DMXL2: variants seen among roughly 807,000 people sequenced by gnomAD.
The protein encoded by DMXL2 is Dmx like 2, also known as dmX-like protein 2.
In DMXL2, 103 loss-of-function variants were observed where a neutral mutation model predicts 331.1. The ratio of observed to expected loss-of-function variants is 0.31; its 90% CI spans 0.27 to 0.37. DMXL2 has a LOEUF of 0.37. Ranked by LOEUF, DMXL2 falls within the 10% of genes least tolerant of loss-of-function variation. The probability of loss-of-function intolerance (pLI) is 1.00; values close to 1 mark genes in which losing one functional copy is unlikely to be tolerated. For missense variants in DMXL2, 3,171 were observed against 3,642.9 expected (o/e 0.87, Z 3.33); for synonymous variants, 1,281 against 1,252.1 (o/e 1.02, Z -0.49).
At position 51,536,378 on chromosome 15, in the gene DMXL2, C is replaced by G. The variant is rs373506145; in HGVS notation, c.2102G>C (p.Gly701Ala). 120 of 1,613,438 alleles carry G rather than the reference C, an allele frequency of 7.4e-5. No individual in the cohort carries two copies. In the South Asian group the frequency reaches 1.2e-3, roughly 17 times the overall value. Reference sequence around the variant, plus strand: ...ATTTCTAAGAGGTTGTTTCGAGGAACCTTTTATATGTTTTACAGGGTCCAT... The same window carrying G: ...ATTTCTAAGAGGTTGTTTCGAGGAAGCTTTTATATGTTTTACAGGGTCCAT... ...RLMDPVKHIK[G>A]SSKQPLRNAA... The change falls in exon 12 of 44, where the codon GGT (glycine) becomes GCT (alanine). Residue 701 changes from glycine (G) to alanine (A), a missense_variant. Around this residue, in one of 7 missense-constraint regions of DMXL2, gnomAD observed 1,674 missense variants for 1,780.2 expected, o/e 0.94. Transcript: ENST00000560891.
chr15:51,561,946 C>G (rs1360687056), intron 6 of DMXL2, among the ~76,000 whole-genome samples: 2 of 151,984 alleles, frequency 1.3e-5, no homozygotes, highest in Non-Finnish European at 2.9e-5. Flanking sequence ...AGAAAAAGTA[C>G]CGTTATTTTC....
At chr15:51,471,081 T>C in intron 29 of DMXL2, 142 bp downstream of exon 29, 1 of 720,116 alleles carries the variant, frequency 1.4e-6, no homozygotes, top group Non-Finnish European at 2.1e-6. Context: ...ACTATTCAGT[T>C]TCTGGACTTA....
intron 1 of DMXL2, among the ~76,000 whole-genome samples, chr15:51,620,007 A>G (rs1010861947): frequency 6.6e-6 from 1 of 152,210 alleles, no homozygotes; most frequent in African/African-American, 2.4e-5. Flanking sequence ...AAATCAAGTG[A>G]CAGGCTCCAT....
In DMXL2 at chr15:51,536,728, C is replaced by T. The variant is rs2140881028; in HGVS notation, c.1752G>A (p.Met584Ile). The T allele has an allele frequency of 6.2e-7, 1 of 1,614,108 alleles. No individual in the cohort carries two copies. The highest frequency in any genetic ancestry group is 2.2e-5 in the East Asian group (1 of 44,882). The change falls in exon 12 of 44, where the codon ATG becomes ATA. Residue 584 changes from methionine to isoleucine, a missense_variant. Physicochemically the swap from Met to Ile is conservative, Grantham distance 10. Transcript: ENST00000560891. ...SHHTLLHQEGMSVGSPHGSQP... is the reference protein window; with the variant it reads ...SHHTLLHQEGISVGSPHGSQP... ...GTGATCCGTGAGGACTGCCTACAGA[C>T]ATCCCCTCCTGGTGTAACAGCGTGT...
intron 1 of DMXL2, among the ~76,000 whole-genome samples, chr15:51,599,544 T>C (rs940160115): frequency 2.0e-5 from 3 of 152,254 alleles, no homozygotes; most frequent in Non-Finnish European, 4.4e-5. Context: ...CACTGCTCTA[T>C]GTCTGTTTAA....
chr15:51,527,494 C>T (rs563827049), intron 13 of DMXL2, among the ~76,000 whole-genome samples: 1 of 151,982 alleles, frequency 6.6e-6, no homozygotes, highest in Non-Finnish European at 1.5e-5. Flanking sequence ...TTTGGGAGGC[C>T]GAGGAGGGCA....
At chr15:51,529,386 A>C (rs1318067210) in intron 13 of DMXL2, among the ~76,000 whole-genome samples, 1 of 152,112 alleles carries the variant, frequency 6.6e-6, no homozygotes, top group Non-Finnish European at 1.5e-5. Flanking sequence ...GAAAGAAAAG[A>C]CCCAAATAAA....
rs372053589 is a variant in DMXL2, at chr15:51,538,315, A to C, written c.1243T>G (p.Ser415Ala). The C allele has an allele frequency of 1.9e-5, 31 of 1,613,812 alleles. No individual in the cohort carries two copies. In the African/African-American group the frequency reaches 4.1e-4, roughly 22 times the overall value. Residue 415 changes from serine to alanine, a missense_variant, in exon 10 of 44, where the codon TCT (serine) becomes GCT (alanine). Around this residue, in one of 7 missense-constraint regions of DMXL2, gnomAD observed 1,674 missense variants for 1,780.2 expected, o/e 0.94. Coordinates refer to ENST00000560891, the MANE Select transcript of DMXL2 (RefSeq NM_001378457.1). ...TTTTCATGATCTACCTGCTTATCAG[A>C]AAGTTTTCGTAATTGATGCATAAAT... ...EVFMHQLRKL[S>A]DKQVDHENDD...
chr15:51,494,674 C>A (rs759946883), intron 19 of DMXL2, among the ~76,000 whole-genome samples: 1 of 152,094 alleles, frequency 6.6e-6, no homozygotes, highest in South Asian at 2.1e-4. Context: ...AAAAACACAT[C>A]GCAGAGCAAA....
intron 1 of DMXL2, among the ~76,000 whole-genome samples, chr15:51,588,355 C>T (rs1413713825): frequency 6.6e-6 from 1 of 152,022 alleles, no homozygotes; most frequent in Non-Finnish European, 1.5e-5. Flanking sequence ...GATAGTATTT[C>T]ACCATGTTGT....
At chr15:51,450,459 G>A in intron 42 of DMXL2, 113 bp from the exon 43 acceptor site, 1 of 1,010,860 alleles carries the variant, frequency 9.9e-7, no homozygotes, top group Non-Finnish European at 1.5e-6. Context: ...TCATTCTAAG[G>A]TACATTTATT....
chr15:51,546,728 A>G (rs1291343320), intron 7 of DMXL2, among the ~76,000 whole-genome samples: 1 of 152,172 alleles, frequency 6.6e-6, no homozygotes, highest in Non-Finnish European at 1.5e-5. Flanking sequence ...GACAGCTCTC[A>G]GATTTAAAAA....
rs1005962740 is a variant in DMXL2 at position 51,536,855 on chromosome 15, A to G, written c.1625T>C (p.Phe542Ser). Residue 542 changes from phenylalanine (F) to serine (S), a missense_variant, in exon 12 of 44, where the codon TTT becomes TCT. Physicochemically the swap from Phe to Ser is radical, Grantham distance 155. This residue lies in a region of DMXL2 where 1,674 missense variants were observed against 1,780.2 expected (regional missense o/e 0.94). Coordinates refer to ENST00000560891, the MANE Select transcript of DMXL2 (RefSeq NM_001378457.1). The part of the protein sequence containing the change: ...PGIFRQVQVS[F>S]SSRIPVAFPS... ...AAATGCAACAGGAATCCGAGAAGAA[A>G]AAGAAACCTGAAAAACATAATTATA... The G allele has an allele frequency of 3.8e-6, 6 of 1,595,136 alleles. No individual in the cohort carries two copies. The highest frequency in any genetic ancestry group is 5.1e-6 in the Non-Finnish European group (6 of 1,174,300).
At chr15:51,571,237 T>C (rs2050649520) in intron 2 of DMXL2, among the ~76,000 whole-genome samples, 2 of 152,234 alleles carry the variant, frequency 1.3e-5, no homozygotes, top group South Asian at 4.1e-4. Flanking sequence ...AAGAGCTAAC[T>C]ATCCTAAATA....
rs1478294320 is a variant in DMXL2 at position 51,568,551 on chromosome 15, G to A, written c.221C>T (p.Ala74Val). The change falls in exon 3 of 44, where the codon GCT (alanine) becomes GTT (valine). Residue 74 changes from alanine (A) to valine (V), a missense_variant. By Grantham distance (64) the Ala-to-Val change is moderately conservative. Coordinates refer to ENST00000560891, the MANE Select transcript of DMXL2 (RefSeq NM_001378457.1). Reference protein sequence around the residue: ...ECSNQQGRIAASYGNAVCIFE... With the variant: ...ECSNQQGRIAVSYGNAVCIFE... Reference sequence around the variant, plus strand: ...TATACAAACAGCATTACCATATGAAGCTGCAATCTAAAAAAGAATAAATAC... The same window carrying A: ...TATACAAACAGCATTACCATATGAAACTGCAATCTAAAAAAGAATAAATAC... 1.3e-6 allele frequency: 2 copies of A among 1,570,448 alleles called. No individual in the cohort carries two copies. Among genetic ancestry groups the A allele is most frequent in the Admixed American group, 2.2e-5 (1 of 46,046 alleles).
Position 51,547,233 on chromosome 15 carries a change from G to A in DMXL2, c.743C>T (p.Pro248Leu). Residue 248 changes from proline to leucine, a missense_variant, in exon 7 of 44, where the codon CCC becomes CTC. By Grantham distance (98) the Pro-to-Leu change is moderately conservative. This residue lies in a region of DMXL2 where 1,674 missense variants were observed against 1,780.2 expected (regional missense o/e 0.94). Coordinates refer to ENST00000560891, the MANE Select transcript of DMXL2 (RefSeq NM_001378457.1). ...CTACATGATTCATTCATCTAACCTG[G>A]GCATATACTTGCTAGTTTTGCGCCA... Reference protein sequence around the residue: ...FSWRKTSKYMPRGSVCNVLLT... With the variant: ...FSWRKTSKYMLRGSVCNVLLT... 1 of 1,606,624 alleles carries A rather than the reference G, an allele frequency of 6.2e-7. No homozygotes were observed. The highest frequency in any genetic ancestry group is 8.5e-7 in the Non-Finnish European group (1 of 1,177,020).
Position 51,536,488 on chromosome 15 carries a change from C to T in DMXL2, c.1992G>A (p.Leu664=). The T allele has an allele frequency of 6.2e-7, 1 of 1,613,982 alleles. No homozygotes were observed. Among genetic ancestry groups the T allele is most frequent in the Non-Finnish European group, 8.5e-7 (1 of 1,179,950 alleles). The part of the protein sequence containing the change: ...NDLACHSVLP[L]LLTSSHHNAL... ...CATTATGATGAGAGGATGTCAATAACAGTGGTAAAACTGAATGACATGCCA... is the reference window on the plus strand; with the variant it reads ...CATTATGATGAGAGGATGTCAATAATAGTGGTAAAACTGAATGACATGCCA... The change falls in exon 12 of 44, where the codon CTG becomes CTA. Residue 664 remains leucine (L), a synonymous_variant. Coordinates refer to ENST00000560891, the MANE Select transcript of DMXL2 (RefSeq NM_001378457.1).
At chr15:51,487,609 C>T (rs1279519438) in intron 22 of DMXL2, among the ~76,000 whole-genome samples, 2 of 152,070 alleles carry the variant, frequency 1.3e-5, no homozygotes, top group African/African-American at 4.8e-5. Context: ...AGGTATGTGC[C>T]ACCACACCTG....
chr15:51,593,634 A>T (rs986916510), intron 1 of DMXL2, among the ~76,000 whole-genome samples: 18 of 152,212 alleles, frequency 1.2e-4, no homozygotes, highest in Middle Eastern at 3.2e-3. Flanking sequence ...ACAACACCGC[A>T]CTTATTCCAA....
Sources: allele counts gnomAD v4.1 joint callset (sites outside exome capture counted in the v4.1 genomes callset), GRCh38; gene constraint gnomAD v4.1.1; regional missense constraint gnomAD v4.1.1; transcripts MANE v1.5; gene names NCBI Gene and HGNC (gene_info 2026-07-23, HGNC 2026-07-21).